Variants in ZW10 observed in about 807,000 individuals in gnomAD.
ZW10 encodes the protein zw10 kinetochore protein, also known as centromere/kinetochore protein zw10 homolog.
ZW10 carries 53 observed loss-of-function variants against 87.8 expected under a neutral mutation model. That is an observed-to-expected ratio of 0.60 (90% CI 0.48 to 0.76). ZW10 has a LOEUF of 0.76. ZW10 is among the 30% of genes least tolerant of loss of function. ZW10 has a pLI of 0.00. For missense variants in ZW10, 837 were observed against 923.0 expected (o/e 0.91, Z 1.21); for synonymous variants, 312 against 329.2 (o/e 0.95, Z 0.57).
At position 113,758,590 on chromosome 11, in the gene ZW10, C is replaced by A. The variant is rs200546940; in HGVS notation, c.697G>T (p.Val233Phe). 1.1e-5 allele frequency: 18 copies of A among 1,613,906 alleles called. No homozygotes were observed. Among genetic ancestry groups the A allele is most frequent in the Non-Finnish European group, 1.5e-5 (18 of 1,179,996 alleles). ...AGCTTGCTGTGTAGTTCTCCAAGAA[C>A]AGAAAATGCCAAGAGGACAGAACTG... ...PISSVLLAFS[V>F]LGELHSKLKS... Residue 233 changes from valine to phenylalanine, a missense_variant, in exon 6 of 16, where the codon GTT becomes TTT. Coordinates refer to ENST00000200135, the MANE Select transcript of ZW10 (RefSeq NM_004724.4).
At chr11:113,738,833 G>A (rs1251562413) in intron 12 of ZW10, among the ~76,000 whole-genome samples, 2 of 152,100 alleles carry the variant, frequency 1.3e-5, no homozygotes, top group Admixed American at 1.3e-4. Context: ...TAAGATGGGG[G>A]AGCTGTCTTG....
chr11:113,744,867 T>C (rs887568660), intron 9 of ZW10, among the ~76,000 whole-genome samples: 1 of 152,196 alleles, frequency 6.6e-6, no homozygotes, highest in Non-Finnish European at 1.5e-5. Flanking sequence ...CAAGCATTCT[T>C]AATCTTGGCT....
intron 1 of ZW10, chr11:113,769,783 C>A: frequency 2.4e-6 from 1 of 424,438 alleles, no homozygotes; most frequent in Non-Finnish European, 4.5e-6. Context: ...ATTTGCCATA[C>A]CAACTAAGCT....
intron 11 of ZW10, among the ~76,000 whole-genome samples, chr11:113,741,413 T>G (rs535178727): frequency 6.6e-6 from 1 of 152,342 alleles, no homozygotes; most frequent in Non-Finnish European, 1.5e-5. Context: ...GAAAGTTAAG[T>G]AAAGGCAGTT....
At chr11:113,738,420 A>T in intron 12 of ZW10, 26 bp from the exon 13 acceptor site, 1 of 1,603,724 alleles carries the variant, frequency 6.2e-7, no homozygotes, top group Middle Eastern at 1.7e-4. Context: ...AGAATAAAAA[A>T]TTTTAAAAGC....
chr11:113,766,901 C>T (rs549835814), intron 2 of ZW10, among the ~76,000 whole-genome samples: 2 of 151,888 alleles, frequency 1.3e-5, no homozygotes, highest in African/African-American at 4.8e-5. Context: ...CCTGTAATCC[C>T]AGCTACTTGC....
intron 7 of ZW10, among the ~76,000 whole-genome samples, chr11:113,754,791 C>T (rs1232506879): frequency 6.6e-6 from 1 of 151,906 alleles, no homozygotes; most frequent in African/African-American, 2.4e-5. Context: ...CCAGGTATCG[C>T]TATGTTACCC....
In ZW10 at chr11:113,747,620, T is replaced by C. The variant is rs1216741717; in HGVS notation, c.1183A>G (p.Ile395Val). 3.1e-6 allele frequency: 5 copies of C among 1,613,900 alleles called. No homozygotes were observed. The highest frequency in any genetic ancestry group is 3.3e-4 in the Middle Eastern group (2 of 6,058). Residue 395 changes from isoleucine to valine, a missense_variant, in exon 9 of 16, where the codon ATC becomes GTC. Physicochemically the swap from Ile to Val is conservative, Grantham distance 29. Transcript: ENST00000200135. ...TTDLLKYARN[I>V]NSHFANKKCQ... ...TTTTTGTTTGCAAAATGAGAATTGA[T>C]GTTACGAGCGTATTTCAGCAAATCT...
intron 15 of ZW10, 124 bp from the exon 16 acceptor site, chr11:113,733,938 A>G: frequency 8.4e-7 from 1 of 1,193,418 alleles, no homozygotes; most frequent in Non-Finnish European, 1.2e-6. Flanking sequence ...AATCCTGGGC[A>G]TCTTTCCTCT....
At position 113,733,528 on chromosome 11, in the gene ZW10, A is replaced by T; in HGVS notation, c.*166T>A. On this transcript the variant is annotated 3_prime_UTR_variant, in exon 16 of 16. Transcript: ENST00000200135. Reference sequence around the variant, plus strand: ...TATCTTAATAAACAGTTCTTAAACAAAGCCTCGTACAGGCCAGGAGGTAAG... The same window carrying T: ...TATCTTAATAAACAGTTCTTAAACATAGCCTCGTACAGGCCAGGAGGTAAG... 1.3e-6 allele frequency: 1 copy of T among 776,868 alleles called. No homozygotes were observed. Among genetic ancestry groups the T allele is most frequent in the East Asian group, 2.7e-5 (1 of 37,258 alleles). 48.1% of individuals were successfully genotyped at this position (776,868 alleles called of 1,614,324 possible).
At chr11:113,772,908 A>G (rs1366013188) in intron 1 of ZW10, among the ~76,000 whole-genome samples, 1 of 151,220 alleles carries the variant, frequency 6.6e-6, no homozygotes, top group Non-Finnish European at 1.5e-5. Context: ...AATCGCTTGA[A>G]CCCGGGAGGC....
intron 13 of ZW10, 148 bp from the exon 14 acceptor site, chr11:113,737,851 T>C (rs1283130239): frequency 8.8e-6 from 8 of 909,708 alleles, no homozygotes; most frequent in Non-Finnish European, 1.3e-5. Context: ...TTCTTGAACA[T>C]TTAACCATAG....
chr11:113,752,575 G>GT (rs1049326722), intron 7 of ZW10, among the ~76,000 whole-genome samples: 2 of 152,172 alleles, frequency 1.3e-5, no homozygotes, highest in Non-Finnish European at 2.9e-5. Flanking sequence ...AATTCTCAGA[G>GT]TATTTCAAAC....
intron 7 of ZW10, among the ~76,000 whole-genome samples, chr11:113,751,718 C>G (rs1204519652): frequency 6.6e-6 from 1 of 152,030 alleles, no homozygotes; most frequent in African/African-American, 2.4e-5. Context: ...ACTAAAAATA[C>G]AAAAATTAGC....
intron 9 of ZW10, among the ~76,000 whole-genome samples, chr11:113,747,031 T>G (rs1253454009): frequency 6.6e-6 from 1 of 151,628 alleles, no homozygotes; most frequent in Non-Finnish European, 1.5e-5. Context: ...ATGTAAGATA[T>G]GAAAAAAAAA....
In ZW10 at chr11:113,756,029, A is replaced by T. The variant is rs568367172; in HGVS notation, c.925+1633T>A. Among the ~76,000 whole-genome samples, 6 of 152,270 alleles carry T rather than the reference A, an allele frequency of 3.9e-5. No individual in the cohort carries two copies. The East Asian group carries it at 9.6e-4, about 24-fold the overall frequency. On this transcript the variant is annotated intron_variant, in intron 7 of 15. Transcript: ENST00000200135. Reference sequence around the variant, plus strand: ...AATTTGTGGGACTCGCTTTATTGGGATACTTACTTTATTGCAGTGGTCTAA... The same window carrying T: ...AATTTGTGGGACTCGCTTTATTGGGTTACTTACTTTATTGCAGTGGTCTAA...
In ZW10 at chr11:113,739,389, CAGA is replaced by C; in HGVS notation, c.1584-10_1584-8del. On this transcript the variant is annotated splice_polypyrimidine_tract_variant and splice_region_variant and intron_variant, in intron 11 of 15. Transcript: ENST00000200135. ...AAGTTTTTGAAGGTTCTCCCTAGGC[CAGA>C]AGGAGGGGTAGAAAAACAAAGCAAC... 6.3e-7 allele frequency: 1 copy of C among 1,581,582 alleles called. No homozygotes were observed. The highest frequency in any genetic ancestry group is 8.6e-7 in the Non-Finnish European group (1 of 1,165,062).
chr11:113,760,672 TCCCTCC>T, intron 3 of ZW10, 82 bp from the exon 4 acceptor site: 1 of 1,179,542 alleles, frequency 8.5e-7, no homozygotes, highest in Non-Finnish European at 1.2e-6. Flanking sequence ...GCTCCCACTT[TCCCTCC>T]CCCTCCCCCC....
At chr11:113,768,737 A>AGGG in intron 2 of ZW10, 96 bp downstream of exon 2, 1 of 1,287,082 alleles carries the variant, frequency 7.8e-7, no homozygotes, top group Non-Finnish European at 1.1e-6. Context: ...CAGAAAAGTG[A>AGGG]GGGTTTAAAA....
Sources: gnomAD v4.1 joint callset for allele counts (sites outside exome capture counted in the v4.1 genomes callset) on GRCh38, gnomAD v4.1.1 for gene constraint, MANE v1.5 for transcripts, NCBI Gene and HGNC (gene_info 2026-07-23, HGNC 2026-07-21) for gene names.